The following MIPOL1 variants were observed in gnomAD, a reference collection of about 807,000 sequenced individuals.
MIPOL1 encodes mirror-image polydactyly gene 1 protein.
In MIPOL1, 57 loss-of-function variants were observed where a neutral mutation model predicts 60.9. That is an observed-to-expected ratio of 0.94 (90% confidence interval 0.76 to 1.17). The LOEUF (loss-of-function observed/expected upper bound fraction) is 1.17. MIPOL1 is among the 50% of genes most tolerant of loss of function. The pLI is 0.00. For synonymous variants in MIPOL1, 179 were observed against 168.8 expected (o/e 1.06, Z -0.47); for missense variants, 551 against 511.6 (o/e 1.08, Z -0.74).
At chr14:37,536,860 CA>C (rs1181089602) in intron 12 of MIPOL1, among the ~76,000 whole-genome samples, 1 of 152,152 alleles carries the variant, frequency 6.6e-6, no homozygotes, top group African/African-American at 2.4e-5. Context: ...TTCTAAGCTT[CA>C]TTTCCTGAGT....
At chr14:37,345,724 A>G (rs1207891172) in intron 9 of MIPOL1, among the ~76,000 whole-genome samples, 2 of 152,096 alleles carry the variant, frequency 1.3e-5, no homozygotes, top group Non-Finnish European at 2.9e-5. Flanking sequence ...TTGCTACTGA[A>G]TTTCCTGTTG....
At chr14:37,384,053 T>A (rs1197766296) in intron 10 of MIPOL1, among the ~76,000 whole-genome samples, 1 of 151,910 alleles carries the variant, frequency 6.6e-6, no homozygotes, top group East Asian at 1.9e-4. Context: ...ACACTGCCCT[T>A]TCCTTGCTCT....
intron 9 of MIPOL1, among the ~76,000 whole-genome samples, chr14:37,324,210 A>G (rs937863510): frequency 1.3e-5 from 2 of 152,164 alleles, no homozygotes; most frequent in South Asian, 2.1e-4. Flanking sequence ...GTTGTTCTGC[A>G]TACTAATCAA....
intron 3 of MIPOL1, among the ~76,000 whole-genome samples, chr14:37,261,758 CA>C (rs1156310278): frequency 1.3e-5 from 2 of 152,084 alleles, no homozygotes; most frequent in Non-Finnish European, 2.9e-5. Context: ...TAATTCTCAA[CA>C]TTTTTTTGAG....
chr14:37,391,340 G>A (rs2093232113), intron 10 of MIPOL1, among the ~76,000 whole-genome samples: 1 of 150,640 alleles, frequency 6.6e-6, no homozygotes, highest in Admixed American at 6.6e-5. Flanking sequence ...AAGGAATTCA[G>A]AGCAGCCAGA....
At chr14:37,326,722 G>A (rs894146867) in intron 9 of MIPOL1, among the ~76,000 whole-genome samples, 1 of 152,148 alleles carries the variant, frequency 6.6e-6, no homozygotes, top group Non-Finnish European at 1.5e-5. Flanking sequence ...GTGTTCATGA[G>A]CTCATTGAGG....
At chr14:37,242,776 C>G (rs1972560607) in intron 1 of MIPOL1, among the ~76,000 whole-genome samples, 3 of 152,074 alleles carry the variant, frequency 2.0e-5, no homozygotes, top group Admixed American at 2.0e-4. Context: ...TGAGATATAT[C>G]AAAAACAATG....
intron 1 of MIPOL1, among the ~76,000 whole-genome samples, chr14:37,235,659 G>A (rs1228572269): frequency 2.6e-5 from 4 of 152,088 alleles, no homozygotes; most frequent in South Asian, 4.1e-4. Context: ...GATTCACAAT[G>A]TTGTAGAAAC....
intron 10 of MIPOL1, among the ~76,000 whole-genome samples, chr14:37,407,210 G>C (rs563721391): frequency 6.6e-6 from 1 of 152,314 alleles, no homozygotes; most frequent in South Asian, 2.1e-4. Context: ...AATGACAATA[G>C]TATATAGTGG....
intron 10 of MIPOL1, among the ~76,000 whole-genome samples, chr14:37,402,277 A>G (rs2093498349): frequency 2.0e-5 from 3 of 152,180 alleles, no homozygotes; most frequent in Admixed American, 2.0e-4. Flanking sequence ...CTTACGTACT[A>G]CAGTCCGAAA....
chr14:37,492,964 A>G (rs370316349), intron 11 of MIPOL1, among the ~76,000 whole-genome samples: 3 of 152,202 alleles, frequency 2.0e-5, no homozygotes, highest in African/African-American at 7.2e-5. Flanking sequence ...CTACTGATCT[A>G]TATTGTTGTA....
At chr14:37,282,196 C>T (rs1037395755) in intron 6 of MIPOL1, among the ~76,000 whole-genome samples, 2 of 151,280 alleles carry the variant, frequency 1.3e-5, no homozygotes, top group East Asian at 1.9e-4. Flanking sequence ...TTTGGTTCAG[C>T]GATTCAGGTA....
At chr14:37,486,169 C>G (rs2094942645) in intron 11 of MIPOL1, among the ~76,000 whole-genome samples, 1 of 152,050 alleles carries the variant, frequency 6.6e-6, no homozygotes, top group African/African-American at 2.4e-5. Flanking sequence ...TCTGAGGCCT[C>G]TGTTTGTTCT....
At chr14:37,450,724 T>C (rs886476219) in intron 11 of MIPOL1, among the ~76,000 whole-genome samples, 2 of 152,140 alleles carry the variant, frequency 1.3e-5, no homozygotes, top group African/African-American at 4.8e-5. Context: ...TCTGGTATCC[T>C]AATAGACAGA....
chr14:37,499,816 C>A, intron 11 of MIPOL1, 92 bp from the exon 12 acceptor site: 2 of 547,208 alleles, frequency 3.7e-6, no homozygotes, highest in Non-Finnish European at 3.1e-6. Flanking sequence ...ATTTTTAGAA[C>A]TAGAGATTCT....
Position 37,531,423 on chromosome 14 carries a change from T to C in MIPOL1, c.1263-15482T>C, listed in dbSNP as rs555610051. Reference sequence around the variant, plus strand: ...CTGCACTGAACAACTAAAAGGTTACTTAGTACCATCCTATTCTATGAAATA... The same window carrying C: ...CTGCACTGAACAACTAAAAGGTTACCTAGTACCATCCTATTCTATGAAATA... On this transcript the variant is annotated intron_variant, in intron 12 of 12. Transcript: ENST00000684589. 5.8e-4 allele frequency among the ~76,000 whole-genome samples: 89 copies of C among 152,286 alleles called. No individual in the cohort carries two copies. The Middle Eastern group carries it at 0.034, about 58-fold the overall frequency.
At chr14:37,243,550 A>G (rs997421593) in intron 1 of MIPOL1, among the ~76,000 whole-genome samples, 1 of 143,572 alleles carries the variant, frequency 7.0e-6, no homozygotes, top group African/African-American at 2.5e-5. Flanking sequence ...GTTGGATAAA[A>G]TGAAGTATTG....
In MIPOL1 at chr14:37,431,745, AT is replaced by A. The variant is rs796193149; in HGVS notation, c.1031+8809del. On this transcript the variant is annotated intron_variant, in intron 11 of 12. Coordinates refer to ENST00000684589, the MANE Select transcript of MIPOL1 (RefSeq NM_001388067.1). ...AGGCACCCGCCACCATGCCTGGCTAATTTTTTTTTTTTTGTACTTTTAGTAG... is the reference window on the plus strand; with the variant it reads ...AGGCACCCGCCACCATGCCTGGCTAATTTTTTTTTTTTGTACTTTTAGTAG... Among the ~76,000 whole-genome samples, 1,076 of 138,412 alleles carry A rather than the reference AT, an allele frequency of 7.8e-3. 10 individuals are homozygous for A. The highest frequency in any genetic ancestry group is 0.022 in the African/African-American group (782 of 36,346). 90.8% of individuals were successfully genotyped at this position (138,412 alleles called of 152,430 possible). A position where few individuals can be genotyped will look rare whatever the true frequency, so the allele number is the denominator to read the frequency against.
At chr14:37,260,749 G>C (rs2082466536) in intron 3 of MIPOL1, among the ~76,000 whole-genome samples, 1 of 152,070 alleles carries the variant, frequency 6.6e-6, no homozygotes, top group South Asian at 2.1e-4. Flanking sequence ...AAAGCCCTGA[G>C]AGAGCTAGTA....
Sources: allele counts gnomAD v4.1 joint callset (sites outside exome capture counted in the v4.1 genomes callset), GRCh38; gene constraint gnomAD v4.1.1; transcripts MANE v1.5; gene names NCBI Gene and HGNC (gene_info 2026-07-23, HGNC 2026-07-21).